The following NEK11 variants were observed in gnomAD, a reference collection of about 807,000 sequenced individuals.
NEK11 encodes the protein NIMA related kinase 11.
NEK11 carries 72 observed loss-of-function variants against 80.7 expected under a neutral mutation model. The ratio of observed to expected loss-of-function variants is 0.89; its 90% confidence interval spans 0.74 to 1.08. The LOEUF (loss-of-function observed/expected upper bound fraction) is 1.08, where lower values mean the gene tolerates loss of function less well. Among genes scored for constraint, NEK11 ranks in the 50% least tolerant of loss-of-function variants. The pLI is 0.00. For synonymous variants in NEK11, 251 were observed against 260.7 expected, an observed-to-expected ratio of 0.96 and a Z score of 0.36; for missense variants, 764 against 763.6, an observed-to-expected ratio of 1.00 and a Z score of -0.01.
At chr3:131,049,175 T>C (rs2109959126) in intron 3 of NEK11, among the ~76,000 whole-genome samples, 1 of 152,392 alleles carries the variant, frequency 6.6e-6, no homozygotes, top group Middle Eastern at 3.4e-3. Context: ...TCTCTGGTTA[T>C]ACATTCCATG....
chr3:131,309,678 C>A (rs2096758466), intron 17 of NEK11, among the ~76,000 whole-genome samples: 1 of 151,692 alleles, frequency 6.6e-6, no homozygotes, highest in Admixed American at 6.6e-5. Context: ...GGAAGTGGGT[C>A]TTTTGCCAGA....
At chr3:131,327,719 A>G (rs2096991828) in intron 17 of NEK11, 1 of 150,730 alleles carries the variant, frequency 6.6e-6, no homozygotes. Flanking sequence ...ATGGTGGTTC[A>G]AATTCCAGGG....
intron 5 of NEK11, among the ~76,000 whole-genome samples, chr3:131,117,604 T>C (rs2081501608): frequency 2.0e-5 from 3 of 152,236 alleles, no homozygotes; most frequent in Admixed American, 2.0e-4. Context: ...TTCCTACCCA[T>C]GAGCATGGAA....
chr3:131,220,258 T>A (rs1039881071), intron 14 of NEK11, among the ~76,000 whole-genome samples: 31 of 151,810 alleles, frequency 2.0e-4, no homozygotes, highest in African/African-American at 7.5e-4. Flanking sequence ...ATGTAAAAGG[T>A]AAAAAAAAAT....
chr3:131,306,721 A>T (rs1200915411), intron 17 of NEK11, among the ~76,000 whole-genome samples: 3 of 152,144 alleles, frequency 2.0e-5, no homozygotes, highest in African/African-American at 7.2e-5. Flanking sequence ...TTTTCCCCCT[A>T]CTGGAAGCAT....
intron 3 of NEK11, 139 bp downstream of exon 3, chr3:131,030,017 A>C: frequency 1.4e-6 from 1 of 737,920 alleles, no homozygotes; most frequent in Non-Finnish European, 2.2e-6. Flanking sequence ...AGGTTGGCAG[A>C]TCACTTGAGG....
At chr3:131,062,275 T>A (rs1156424932) in intron 3 of NEK11, among the ~76,000 whole-genome samples, 1 of 152,196 alleles carries the variant, frequency 6.6e-6, no homozygotes, top group Non-Finnish European at 1.5e-5. Flanking sequence ...CAGCTCCTAT[T>A]TTCCCTGGAA....
At chr3:131,271,747 A>T (rs2096190964) in intron 16 of NEK11, among the ~76,000 whole-genome samples, 1 of 150,518 alleles carries the variant, frequency 6.6e-6, no homozygotes, top group Non-Finnish European at 1.5e-5. Flanking sequence ...GTGAGCCGAG[A>T]TCTCACTATT....
chr3:131,239,799 T>C (rs532725840), intron 15 of NEK11, among the ~76,000 whole-genome samples: 3 of 151,842 alleles, frequency 2.0e-5, no homozygotes, highest in Non-Finnish European at 4.4e-5. Context: ...TAAGTTCTTG[T>C]GGCAGCTAGG....
intron 17 of NEK11, among the ~76,000 whole-genome samples, chr3:131,331,589 G>A (rs903087429): frequency 6.6e-6 from 1 of 152,236 alleles, no homozygotes; most frequent in Non-Finnish European, 1.5e-5. Flanking sequence ...ATCTCACTAG[G>A]GAGTGCCAGA....
chr3:131,033,565 A>G (rs1393889860), intron 3 of NEK11, among the ~76,000 whole-genome samples: 3 of 152,178 alleles, frequency 2.0e-5, no homozygotes, highest in Non-Finnish European at 2.9e-5. Flanking sequence ...CATTATATAC[A>G]TTTCTATATT....
intron 16 of NEK11, among the ~76,000 whole-genome samples, chr3:131,250,658 C>T (rs561183997): frequency 1.1e-4 from 17 of 152,060 alleles, no homozygotes; most frequent in South Asian, 8.3e-4. Flanking sequence ...GGTCACTGAA[C>T]GATAGGTGGG....
At chr3:131,249,561 TG>T (rs1391321692) in intron 16 of NEK11, among the ~76,000 whole-genome samples, 2 of 151,998 alleles carry the variant, frequency 1.3e-5, no homozygotes, top group African/African-American at 4.8e-5. Context: ...CAGGGTGATG[TG>T]ATGTGATGAA....
chr3:131,116,437 C>T (rs1429759907), intron 5 of NEK11, among the ~76,000 whole-genome samples: 3 of 152,114 alleles, frequency 2.0e-5, no homozygotes, highest in Non-Finnish European at 4.4e-5. Context: ...AATAAACATA[C>T]GTGTGCATGT....
intron 16 of NEK11, among the ~76,000 whole-genome samples, chr3:131,262,001 C>CAA (rs200473337): frequency 1.4e-5 from 2 of 147,062 alleles, no homozygotes; most frequent in African/African-American, 5.0e-5. Context: ...GTCAGTGAAA[C>CAA]AAAAAAAAAT....
chr3:131,245,832 G>T (rs1257491934), intron 16 of NEK11, among the ~76,000 whole-genome samples: 2 of 151,556 alleles, frequency 1.3e-5, no homozygotes, highest in South Asian at 2.1e-4. Context: ...TTGTTTGTTT[G>T]TTTGTTTTTG....
chr3:131,214,610 G>C (rs117258405), intron 14 of NEK11, among the ~76,000 whole-genome samples: 1,606 of 152,132 alleles, frequency 0.011, 22 homozygotes, highest in East Asian at 0.075. Flanking sequence ...TGACATATAG[G>C]ATAAAAGTGC....
intron 17 of NEK11, among the ~76,000 whole-genome samples, chr3:131,335,914 A>T (rs1182797292): frequency 6.6e-6 from 1 of 152,044 alleles, no homozygotes; most frequent in Non-Finnish European, 1.5e-5. Context: ...CTTACAAGGG[A>T]TGTGAAGGAC....
chr3:131,136,342 C>T (rs536002326), intron 7 of NEK11, among the ~76,000 whole-genome samples: 6 of 152,082 alleles, frequency 3.9e-5, no homozygotes, highest in South Asian at 2.1e-4. Flanking sequence ...CAGATACATA[C>T]GTGTGATGAG....
Sources: gnomAD v4.1 joint callset for allele counts (sites outside exome capture counted in the v4.1 genomes callset) on GRCh38, gnomAD v4.1.1 for gene constraint, MANE v1.5 for transcripts, NCBI Gene and HGNC (gene_info 2026-07-23, HGNC 2026-07-21) for gene names.